MTA3: variants seen among roughly 807,000 people sequenced by gnomAD.
MTA3 encodes the protein metastasis-associated protein MTA3.
MTA3 carries 34 observed loss-of-function variants against 83.5 expected under a neutral mutation model. The observed-to-expected ratio is 0.41, with a 90% CI of 0.31 to 0.54. The LOEUF (loss-of-function observed/expected upper bound fraction) is 0.54, where lower values mean the gene tolerates loss of function less well. MTA3 is among the 20% of genes least tolerant of loss of function. The probability of loss-of-function intolerance (pLI) is 0.33; values close to 1 mark genes in which losing one functional copy is unlikely to be tolerated. For synonymous variants in MTA3, 303 were observed against 252.7 expected, an observed-to-expected ratio of 1.20 and a Z score of -1.89; for missense variants, 761 against 726.4, an observed-to-expected ratio of 1.05 and a Z score of -0.55.
In MTA3 at chr2:42,606,542, C is replaced by T. The variant is rs1406220357; in HGVS notation, c.191-2916C>T. ...GTGATGGCGGCTGGGAAGAGGCGCT[C>T]CTCACTTCCTAGATGGGATGGCGGC... On this transcript the variant is annotated intron_variant, in intron 3 of 16. Coordinates refer to ENST00000405094, the MANE Select transcript of MTA3 (RefSeq NM_001330442.2). Among the ~76,000 whole-genome samples, 9 of 146,252 alleles carry T rather than the reference C, an allele frequency of 6.2e-5. No individual in the cohort carries two copies. In the East Asian group the frequency reaches 1.4e-3, roughly 23 times the overall value.
chr2:42,583,841 CT>C (rs1460178750), intron 3 of MTA3, among the ~76,000 whole-genome samples: 1 of 148,670 alleles, frequency 6.7e-6, no homozygotes. Context: ...ATTATGGACT[CT>C]TTTTTTGTTT....
chr2:42,636,939 A>G lies in MTA3; in HGVS notation c.318-3234A>G, dbSNP rs573047635. The stretch of plus-strand genomic sequence containing the variant: ...TGCGCCTGGCCCTCCTCTTTCATTT[A>G]TACAAATATGTACTAGCTTTAGATA... On this transcript the variant is annotated intron_variant, in intron 4 of 16. Transcript: ENST00000405094. 5.9e-5 allele frequency among the ~76,000 whole-genome samples: 9 copies of G among 152,240 alleles called. No individual in the cohort carries two copies. In the East Asian group the frequency reaches 1.7e-3, roughly 29 times the overall value.
chr2:42,665,112 A>G (rs1690111673), intron 8 of MTA3, among the ~76,000 whole-genome samples: 1 of 152,206 alleles, frequency 6.6e-6, no homozygotes, highest in African/African-American at 2.4e-5. Context: ...ACAAAGAAGA[A>G]TATAGGGCTG....
At chr2:42,535,815 T>G (rs547330904) in intron 2 of MTA3, among the ~76,000 whole-genome samples, 1 of 151,840 alleles carries the variant, frequency 6.6e-6, no homozygotes, top group Non-Finnish European at 1.5e-5. Context: ...AGCATGAGCT[T>G]GGAGATAAAA....
chr2:42,697,975 C>A, intron 11 of MTA3, 141 bp downstream of exon 11: 1 of 571,580 alleles, frequency 1.7e-6, no homozygotes, highest in Non-Finnish European at 3.0e-6. Context: ...TACTATTATA[C>A]CACTACAATA....
At chr2:42,505,347 G>A (rs1396566349) in intron 2 of MTA3, among the ~76,000 whole-genome samples, 5 of 152,036 alleles carry the variant, frequency 3.3e-5, no homozygotes, top group African/African-American at 7.2e-5. Flanking sequence ...AGCCGAGATC[G>A]TGCCACTGCA....
chr2:42,710,735 G>C (rs1444395081), intron 14 of MTA3, among the ~76,000 whole-genome samples: 2 of 152,092 alleles, frequency 1.3e-5, no homozygotes, highest in Admixed American at 1.3e-4. Flanking sequence ...AATATTTATA[G>C]TCTAAATTGT....
intron 4 of MTA3, among the ~76,000 whole-genome samples, chr2:42,616,020 G>T (rs186396697): frequency 1.3e-5 from 2 of 149,396 alleles, no homozygotes; most frequent in South Asian, 4.4e-4. Context: ...GTGCCCGGCC[G>T]TACAGGCGTG....
chr2:42,731,785 CA>C (rs1437685634), intron 16 of MTA3, among the ~76,000 whole-genome samples: 2 of 152,196 alleles, frequency 1.3e-5, no homozygotes, highest in East Asian at 3.8e-4. Context: ...CAAAAGTCCA[CA>C]GTCCAGTCTC....
chr2:42,646,682 C>T (rs1199554689), intron 6 of MTA3, among the ~76,000 whole-genome samples: 2 of 152,156 alleles, frequency 1.3e-5, no homozygotes, highest in African/African-American at 4.8e-5. Context: ...TGTGGTAAAA[C>T]TTGGATGAGT....
At chr2:42,677,259 G>C (rs1691448880) in intron 8 of MTA3, among the ~76,000 whole-genome samples, 1 of 152,138 alleles carries the variant, frequency 6.6e-6, no homozygotes, top group African/African-American at 2.4e-5. Context: ...ACCACCGGGG[G>C]AGATAATTGA....
At position 42,634,107 on chromosome 2, in the gene MTA3, C is replaced by G. The variant is rs373240730; in HGVS notation, c.318-6066C>G. On this transcript the variant is annotated intron_variant, in intron 4 of 16. Transcript: ENST00000405094. ...ATCCACTGCAGAGAGGCCAGGGATG[C>G]TGCTCAACATCCTGTAGTGCATGAG... is the stretch of plus-strand genomic sequence containing the variant. 3.5e-3 allele frequency among the ~76,000 whole-genome samples: 540 copies of G among 152,208 alleles called. 2 individuals are homozygous for G. Among genetic ancestry groups the G allele is most frequent in the African/African-American group, 0.012 (478 of 41,518 alleles).
chr2:42,620,192 C>A, intron 4 of MTA3, among the ~76,000 whole-genome samples: 1 of 149,886 alleles, frequency 6.7e-6, no homozygotes, highest in African/African-American at 2.5e-5. Context: ...GATCTTGGCT[C>A]ACTGCAACCT....
Position 42,644,209 on chromosome 2 carries a change from G to C in MTA3, c.464G>C (p.Arg155Thr), listed in dbSNP as rs779796196. 3 of 1,612,996 alleles carry C rather than the reference G, an allele frequency of 1.9e-6. No homozygotes were observed. Among genetic ancestry groups the C allele is most frequent in the Non-Finnish European group, 2.5e-6 (3 of 1,179,442 alleles). Residue 155 changes from arginine (R) to threonine (T), a missense_variant, in exon 6 of 17, where the codon AGA becomes ACA. Arg to Thr is a moderately conservative substitution (Grantham distance 71). Coordinates refer to ENST00000405094, the MANE Select transcript of MTA3 (RefSeq NM_001330442.2). ...AAAGGTGAAATCAGAGTGGGACCTA[G>C]ATATCAAGCAGACATTCCAGAAATG... Reference protein sequence around the residue: ...ADKGEIRVGPRYQADIPEMLL... With the variant: ...ADKGEIRVGPTYQADIPEMLL...
chr2:42,547,367 G>A (rs1676803079), intron 2 of MTA3, among the ~76,000 whole-genome samples: 1 of 152,216 alleles, frequency 6.6e-6, no homozygotes, highest in African/African-American at 2.4e-5. Flanking sequence ...TTGCTCTGTC[G>A]CCCAGGCCGG....
At chr2:42,624,553 G>A (rs1685894147) in intron 4 of MTA3, among the ~76,000 whole-genome samples, 1 of 151,924 alleles carries the variant, frequency 6.6e-6, no homozygotes, top group Admixed American at 6.6e-5. Flanking sequence ...GTCTTGAACT[G>A]CTGACGTTGT....
intron 2 of MTA3, among the ~76,000 whole-genome samples, chr2:42,549,522 A>G (rs1238961885): frequency 9.1e-6 from 1 of 109,486 alleles, no homozygotes; most frequent in East Asian, 2.3e-4. Context: ...TATATGATAT[A>G]ATATATAATA....
intron 8 of MTA3, chr2:42,680,278 C>G (rs1691751300): frequency 6.6e-6 from 1 of 152,250 alleles, no homozygotes; most frequent in East Asian, 1.9e-4. Flanking sequence ...ATTGCTTGAT[C>G]TTCGAGTTAG....
chr2:42,695,645 A>C, intron 9 of MTA3, 120 bp from the exon 10 acceptor site: 1 of 426,836 alleles, frequency 2.3e-6, no homozygotes, highest in South Asian at 3.4e-5. Flanking sequence ...AAAAAAAAAA[A>C]AAAAAAAAAA....
Sources: gnomAD v4.1 joint callset for allele counts (sites outside exome capture counted in the v4.1 genomes callset) on GRCh38, gnomAD v4.1.1 for gene constraint, MANE v1.5 for transcripts, NCBI Gene and HGNC (gene_info 2026-07-23, HGNC 2026-07-21) for gene names.